VSTM4: variants seen among roughly 807,000 people sequenced by gnomAD.
VSTM4 encodes V-set and transmembrane domain-containing protein 4.
VSTM4 carries 20 observed loss-of-function variants against 36.4 expected under a neutral mutation model. The ratio of observed to expected loss-of-function variants is 0.55; its 90% CI spans 0.39 to 0.80. The LOEUF (loss-of-function observed/expected upper bound fraction) is 0.80. Ranked by LOEUF, VSTM4 falls within the 30% of genes least tolerant of loss-of-function variation. The pLI, the probability that VSTM4 is intolerant of heterozygous loss-of-function variation, is 0.00. For missense variants in VSTM4, 392 were observed against 404.5 expected (o/e 0.97, Z 0.26); for synonymous variants, 182 against 173.9 (o/e 1.05, Z -0.37).
intron 2 of VSTM4, chr10:49,103,863 G>C: frequency 6.2e-7 from 1 of 1,613,452 alleles, no homozygotes. Flanking sequence ...GGAGACTCCT[G>C]TTGAAAGGAG....
At chr10:49,099,073 T>A (rs1844622475) in intron 2 of VSTM4, among the ~76,000 whole-genome samples, 1 of 152,258 alleles carries the variant, frequency 6.6e-6, no homozygotes, top group Non-Finnish European at 1.5e-5. Context: ...AGCTTAAATC[T>A]GTCTGTCTGG....
intron 1 of VSTM4, among the ~76,000 whole-genome samples, chr10:49,113,756 G>A (rs1001514572): frequency 3.3e-5 from 5 of 152,178 alleles, no homozygotes; most frequent in African/African-American, 1.2e-4. Context: ...CTGTACTTAT[G>A]TATAAAATGG....
At chr10:49,103,631 T>TCACCCG in intron 2 of VSTM4, 1 of 1,510,438 alleles carries the variant, frequency 6.6e-7, no homozygotes, top group Non-Finnish European at 8.8e-7. Context: ...TCATCGCAAG[T>TCACCCG]CACCCTCCAT....
At position 49,016,227 on chromosome 10, in the gene VSTM4, G is replaced by C. The variant is rs1024208604; in HGVS notation, c.*3423C>G. The C allele has an allele frequency of 6.6e-6, 1 of 152,184 alleles. No individual in the cohort carries two copies. The highest frequency in any genetic ancestry group is 1.5e-5 in the Non-Finnish European group (1 of 68,052). The allele number at this position is 152,184 out of a possible 1,614,324, so 9.4% of individuals were successfully genotyped here. ...ACCTGACTGGCTTGACCAAAACCAG[G>C]ATTTAAACAGCAGAGTAATTAGAGA... is the stretch of plus-strand genomic sequence containing the variant. On this transcript the variant is annotated 3_prime_UTR_variant, in exon 8 of 8. Transcript: ENST00000332853.
chr10:49,081,576 A>G (rs1466436715), intron 3 of VSTM4, among the ~76,000 whole-genome samples: 1 of 152,238 alleles, frequency 6.6e-6, no homozygotes, highest in Non-Finnish European at 1.5e-5. Context: ...CTGCCCAGGC[A>G]GGAGGTCAGG....
chr10:49,077,068 ACAGCTTGCTC>A, intron 4 of VSTM4, 141 bp downstream of exon 4: 1 of 730,914 alleles, frequency 1.4e-6, no homozygotes, highest in Non-Finnish European at 2.3e-6. Context: ...CAAGGGAAAC[ACAGCTTGCTC>A]ACTTTGCCCA....
Position 49,108,006 on chromosome 10 carries a change from A to C in VSTM4, c.56-11T>G. The C allele has an allele frequency of 6.5e-7, 1 of 1,547,882 alleles. No individual in the cohort carries two copies. The highest frequency in any genetic ancestry group is 8.7e-7 in the Non-Finnish European group (1 of 1,143,138). ...GGGCCGCACAGACCTCTGCAGAGAA[A>C]AAGGGGAGAAGAGAGGATGAGGAGG... On this transcript the variant is annotated splice_polypyrimidine_tract_variant and intron_variant, in intron 1 of 7. Coordinates refer to ENST00000332853, the MANE Select transcript of VSTM4 (RefSeq NM_001031746.5).
intron 2 of VSTM4, among the ~76,000 whole-genome samples, chr10:49,091,516 G>A (rs1157483850): frequency 1.3e-5 from 2 of 152,174 alleles, no homozygotes; most frequent in African/African-American, 4.8e-5. Flanking sequence ...CCCCTTTGAT[G>A]GGACCTGGGG....
At chr10:49,035,982 G>T (rs1388476526) in intron 7 of VSTM4, among the ~76,000 whole-genome samples, 2 of 152,200 alleles carry the variant, frequency 1.3e-5, no homozygotes, top group African/African-American at 4.8e-5. Context: ...GCAAGTGTTG[G>T]CAGGGGCAGG....
chr10:49,029,385 G>A (rs1370174487), intron 7 of VSTM4, among the ~76,000 whole-genome samples: 1 of 152,236 alleles, frequency 6.6e-6, no homozygotes, highest in Non-Finnish European at 1.5e-5. Flanking sequence ...GTAGCAGAGT[G>A]TGGTGGCTGA....
chr10:49,062,117 A>G (rs993885352), intron 5 of VSTM4, among the ~76,000 whole-genome samples: 4 of 152,116 alleles, frequency 2.6e-5, no homozygotes, highest in Non-Finnish European at 5.9e-5. Flanking sequence ...AGGACTTTTG[A>G]CTTCTATTTA....
chr10:49,095,397 T>C (rs967910738), intron 2 of VSTM4, among the ~76,000 whole-genome samples: 2 of 152,172 alleles, frequency 1.3e-5, no homozygotes, highest in African/African-American at 4.8e-5. Flanking sequence ...ACATAACATG[T>C]GAGGGTGCAT....
intron 7 of VSTM4, among the ~76,000 whole-genome samples, chr10:49,033,748 C>G (rs779112617): frequency 1.1e-4 from 16 of 152,182 alleles, no homozygotes; most frequent in Admixed American, 2.0e-4. Context: ...CCTTCCTGTG[C>G]CTCCTCTAAC....
Position 49,018,911 on chromosome 10 carries a change from G to T in VSTM4, c.*739C>A, listed in dbSNP as rs938667116. On this transcript the variant is annotated 3_prime_UTR_variant, in exon 8 of 8. Coordinates refer to ENST00000332853, the MANE Select transcript of VSTM4 (RefSeq NM_001031746.5). ...AACACCTGTGCTCCTTTGGAAAAGG[G>T]TGAGTAAGCACTTCTTAGAGAGTGT... 1 of 152,390 alleles carries T rather than the reference G, an allele frequency of 6.6e-6. No homozygotes were observed. The highest frequency in any genetic ancestry group is 1.5e-5 in the Non-Finnish European group (1 of 68,066). 9.4% of individuals were successfully genotyped at this position (152,390 alleles called of 1,614,324 possible).
chr10:49,071,212 G>A (rs1002598808), intron 4 of VSTM4, among the ~76,000 whole-genome samples: 1 of 152,216 alleles, frequency 6.6e-6, no homozygotes, highest in Non-Finnish European at 1.5e-5. Flanking sequence ...TATCTAGTTC[G>A]AGTTTGTGCC....
chr10:49,064,784 A>G (rs970154251), intron 4 of VSTM4, 48 bp from the exon 5 acceptor site: 4 of 1,581,578 alleles, frequency 2.5e-6, no homozygotes, highest in Admixed American at 3.6e-5. Context: ...GCTACTTCAG[A>G]TATATATGCT....
intron 5 of VSTM4, among the ~76,000 whole-genome samples, chr10:49,050,835 A>C (rs930116349): frequency 2.0e-5 from 3 of 152,230 alleles, no homozygotes; most frequent in African/African-American, 7.2e-5. Context: ...TAACCAAAAC[A>C]CAATCTTCAT....
At chr10:49,112,850 C>T (rs1247809843) in intron 1 of VSTM4, among the ~76,000 whole-genome samples, 1 of 152,220 alleles carries the variant, frequency 6.6e-6, no homozygotes, top group Admixed American at 6.5e-5. Context: ...TGTCTAACCC[C>T]CTTGCTTATA....
rs1384702801 is a variant in VSTM4, at chr10:49,048,568, T to C, written c.685A>G (p.Thr229Ala). 2 of 1,592,486 alleles carry C rather than the reference T, an allele frequency of 1.3e-6. No homozygotes were observed. Among genetic ancestry groups the C allele is most frequent in the East Asian group, 4.6e-5 (2 of 43,802 alleles). The change falls in exon 6 of 8, where the codon ACT (threonine) becomes GCT (alanine). Residue 229 changes from threonine (T) to alanine (A), a missense_variant. By Grantham distance (58) the Thr-to-Ala change is moderately conservative. Coordinates refer to ENST00000332853, the MANE Select transcript of VSTM4 (RefSeq NM_001031746.5). ...AGTGGGGCCAAGCTGGTCACGCTAG[T>C]GACAGTCTCCCCTGAGCTGTAGAAG... ...CPQNSSGETVTSVTSLAPLQP... is the reference protein window; with the variant it reads ...CPQNSSGETVASVTSLAPLQP...
Sources: gnomAD v4.1 joint callset for allele counts (sites outside exome capture counted in the v4.1 genomes callset) on GRCh38, gnomAD v4.1.1 for gene constraint, MANE v1.5 for transcripts, NCBI Gene and HGNC (gene_info 2026-07-23, HGNC 2026-07-21) for gene names.